Variants in DNAH14 observed in about 807,000 individuals in gnomAD.
The protein encoded by DNAH14 is dynein axonemal heavy chain 14.
In DNAH14, 478 loss-of-function variants were observed where a neutral mutation model predicts 520.9. That is an observed-to-expected ratio of 0.92 (90% CI 0.85 to 0.99). The LOEUF (loss-of-function observed/expected upper bound fraction) is 0.99, where lower values mean the gene tolerates loss of function less well. Among genes scored for constraint, DNAH14 ranks in the 50% least tolerant of loss-of-function variants. DNAH14 has a pLI of 0.00. For missense variants in DNAH14, 4,831 were observed against 5,234.5 expected (o/e 0.92, Z 2.38); for synonymous variants, 1,581 against 1,757.2 (o/e 0.90, Z 2.51).
At position 225,169,376 on chromosome 1, in the gene DNAH14, G is replaced by T. The variant is rs970851886; in HGVS notation, c.5535+1348G>T. ...CTAAAGGAGGAAGTTCAAACCCATG[G>T]CAAAGAAGTTAAAACCCTTGAAAAA... On this transcript the variant is annotated intron_variant, in intron 36 of 85. Transcript: ENST00000682510. Among the ~76,000 whole-genome samples the T allele has an allele frequency of 2.0e-5, 3 of 152,218 alleles. No homozygotes were observed. In the South Asian group the frequency reaches 6.2e-4, roughly 32 times the overall value.
intron 4 of DNAH14, chr1:224,961,058 A>T (rs184343210): frequency 1.7e-4 from 26 of 152,276 alleles, no homozygotes; most frequent in African/African-American, 6.0e-4. Flanking sequence ...ATCATATTAC[A>T]TTATCCAATA....
intron 35 of DNAH14, among the ~76,000 whole-genome samples, chr1:225,165,103 G>A (rs781782516): frequency 1.3e-5 from 2 of 151,808 alleles, no homozygotes; most frequent in Admixed American, 6.6e-5. Context: ...TATCTGAATG[G>A]CAAATTCATT....
At chr1:224,953,912 A>G (rs2060341812) in intron 2 of DNAH14, among the ~76,000 whole-genome samples, 1 of 152,212 alleles carries the variant, frequency 6.6e-6, no homozygotes, top group African/African-American at 2.4e-5. Flanking sequence ...AGAAGCCATA[A>G]ACAATACAAA....
intron 26 of DNAH14, among the ~76,000 whole-genome samples, chr1:225,122,956 T>G (rs1268701172): frequency 2.6e-5 from 4 of 152,212 alleles, no homozygotes; most frequent in Non-Finnish European, 5.9e-5. Flanking sequence ...AGAGATATAG[T>G]ATCAATGATT....
intron 42 of DNAH14, among the ~76,000 whole-genome samples, chr1:225,233,425 C>T (rs1244580633): frequency 1.3e-5 from 2 of 152,200 alleles, no homozygotes; most frequent in Non-Finnish European, 2.9e-5. Context: ...CTCCCACCAA[C>T]AGTGTAAAAG....
chr1:225,353,484 A>T (rs1441896826), intron 72 of DNAH14, among the ~76,000 whole-genome samples: 1 of 152,270 alleles, frequency 6.6e-6, no homozygotes, highest in East Asian at 1.9e-4. Flanking sequence ...ACAGGTTATG[A>T]TGTGTTGGCT....
At chr1:225,087,146 G>T (rs1039626523) in intron 21 of DNAH14, among the ~76,000 whole-genome samples, 3 of 152,142 alleles carry the variant, frequency 2.0e-5, no homozygotes, top group Admixed American at 1.3e-4. Flanking sequence ...ATAAATAAAA[G>T]AAATGTATTT....
At chr1:225,036,030 G>T (rs7511743) in intron 11 of DNAH14, among the ~76,000 whole-genome samples, 4 of 152,128 alleles carry the variant, frequency 2.6e-5, no homozygotes. Flanking sequence ...AAGGCGGCTC[G>T]CCAGTCAAGA....
intron 49 of DNAH14, among the ~76,000 whole-genome samples, chr1:225,269,924 A>G (rs531824433): frequency 2.0e-5 from 3 of 152,324 alleles, no homozygotes; most frequent in African/African-American, 7.2e-5. Context: ...TGATTCCTCA[A>G]GGATCTAGAA....
At chr1:225,171,567 C>T (rs567813767) in intron 36 of DNAH14, among the ~76,000 whole-genome samples, 20 of 152,196 alleles carry the variant, frequency 1.3e-4, no homozygotes, top group Admixed American at 1.3e-3. Flanking sequence ...AAGACTAAAG[C>T]AGGAAGAAAT....
chr1:225,102,992 A>G (rs993536914), intron 23 of DNAH14, among the ~76,000 whole-genome samples: 14 of 152,134 alleles, frequency 9.2e-5, no homozygotes, highest in Non-Finnish European at 1.8e-4. Context: ...GGTATTGCCT[A>G]GGTTTTCTTC....
At chr1:225,382,855 T>TA (rs1388243495) in intron 81 of DNAH14, among the ~76,000 whole-genome samples, 1 of 152,222 alleles carries the variant, frequency 6.6e-6, no homozygotes, top group African/African-American at 2.4e-5. Context: ...AATGAAATAT[T>TA]ATTCAGCCAG....
In DNAH14 at chr1:225,343,244, A is replaced by G. The variant is rs555277538; in HGVS notation, c.10678+2543A>G. ...CAGTATTGCCTCTTTAAGGTCTGCT[A>G]AGATGTGCAGAAAACACTGACTTGT... On this transcript the variant is annotated intron_variant, in intron 69 of 85. Transcript: ENST00000682510. Among the ~76,000 whole-genome samples, 7 of 152,350 alleles carry G rather than the reference A, an allele frequency of 4.6e-5. No homozygotes were observed. In the South Asian group the frequency reaches 1.4e-3, roughly 32 times the overall value.
At chr1:225,167,414 A>G (rs1443559382) in intron 35 of DNAH14, among the ~76,000 whole-genome samples, 2 of 152,240 alleles carry the variant, frequency 1.3e-5, no homozygotes, top group East Asian at 1.9e-4. Flanking sequence ...AATATTAAGT[A>G]TCTTTCCAAG....
intron 60 of DNAH14, among the ~76,000 whole-genome samples, chr1:225,311,580 G>A (rs2094366340): frequency 6.6e-6 from 1 of 151,972 alleles, no homozygotes; most frequent in Non-Finnish European, 1.5e-5. Flanking sequence ...TTTATGGTTT[G>A]GGGTCTTACA....
At chr1:225,154,381 G>A (rs986651047) in intron 34 of DNAH14, among the ~76,000 whole-genome samples, 1 of 152,046 alleles carries the variant, frequency 6.6e-6, no homozygotes, top group Non-Finnish European at 1.5e-5. Context: ...TGGTCCTAAA[G>A]TTCACATGGA....
Position 225,059,725 on chromosome 1 carries a change from G to C in DNAH14, c.2424+7930G>C, listed in dbSNP as rs1358841665. 2.0e-5 allele frequency among the ~76,000 whole-genome samples: 3 copies of C among 152,010 alleles called. No homozygotes were observed. The East Asian group carries it at 5.8e-4, about 29-fold the overall frequency. On this transcript the variant is annotated intron_variant, in intron 17 of 85. Transcript: ENST00000682510. ...GAGCTCTTTTAGGGCAGGCCTGGTG[G>C]TGACAAAATCTCTCAGCATTTGCTT...
intron 1 of DNAH14, among the ~76,000 whole-genome samples, chr1:224,933,499 T>G (rs551443854): frequency 1.1e-4 from 16 of 152,120 alleles, no homozygotes; most frequent in Non-Finnish European, 2.4e-4. Context: ...CATCCTTATC[T>G]TGTTTCAGTT....
At chr1:225,222,712 G>T (rs144615388) in intron 41 of DNAH14, among the ~76,000 whole-genome samples, 77 of 152,190 alleles carry the variant, frequency 5.1e-4, no homozygotes, top group Middle Eastern at 3.4e-3. Context: ...AGTTCTTCAA[G>T]CCCCCACCCG....
Sources: gnomAD v4.1 joint callset for allele counts (sites outside exome capture counted in the v4.1 genomes callset) on GRCh38, gnomAD v4.1.1 for gene constraint, MANE v1.5 for transcripts, NCBI Gene and HGNC (gene_info 2026-07-23, HGNC 2026-07-21) for gene names.